LHFPL4: variants seen among roughly 807,000 people sequenced by gnomAD.
The protein encoded by LHFPL4 is LHFPL tetraspan subfamily member 4, also known as LHFPL tetraspan subfamily member 4 protein.
LHFPL4 carries 6 observed loss-of-function variants against 20.0 expected under a neutral mutation model. The observed-to-expected ratio is 0.30, with a 90% CI of 0.16 to 0.59. LHFPL4 has a LOEUF of 0.59. LHFPL4 is among the 20% of genes least tolerant of loss of function. The pLI, the probability that LHFPL4 is intolerant of heterozygous loss-of-function variation, is 0.88. For missense variants in LHFPL4, 215 were observed against 331.2 expected (o/e 0.65, Z 2.72); for synonymous variants, 129 against 143.8 (o/e 0.90, Z 0.74).
intron 2 of LHFPL4, among the ~76,000 whole-genome samples, chr3:9,518,381 TC>T (rs1271476717): frequency 6.6e-6 from 1 of 152,178 alleles, no homozygotes; most frequent in African/African-American, 2.4e-5. Context: ...CCTTGTAATG[TC>T]TTTCTCTAGT....
Position 9,552,771 on chromosome 3 carries a change from G to GCA in LHFPL4, c.-94_-93dup, listed in dbSNP as rs1259688648. 2.6e-6 allele frequency: 2 copies of GCA among 767,338 alleles called. No individual in the cohort carries two copies. The highest frequency in any genetic ancestry group is 3.3e-6 in the Non-Finnish European group (2 of 611,672). 47.5% of individuals were successfully genotyped at this position (767,338 alleles called of 1,614,324 possible). On this transcript the variant is annotated 5_prime_UTR_variant, in exon 2 of 4. Coordinates refer to ENST00000287585, the MANE Select transcript of LHFPL4 (RefSeq NM_198560.3). ...GGGCTGCCGGGCGGGAGCTGGGGAC[G>GCA]CACGCGAGAAGCGGCCCTGAGTCAA...
Position 9,552,319 on chromosome 3 carries a change from T to G in LHFPL4, c.361A>C (p.Thr121Pro). ...GCGCAGATCTTGTAGACCGTAGCCGTGTTGCAGAAGAAGAAAAGCGAAAAG... is the reference window on the plus strand; with the variant it reads ...GCGCAGATCTTGTAGACCGTAGCCGGGTTGCAGAAGAAGAAAAGCGAAAAG... ...TCFSLFFFCN[T>P]ATVYKICAWM... Residue 121 changes from threonine to proline, a missense_variant, in exon 2 of 4, where the codon ACG becomes CCG. Thr to Pro is a conservative substitution (Grantham distance 38). Transcript: ENST00000287585. 2.5e-6 allele frequency: 4 copies of G among 1,613,396 alleles called. No homozygotes were observed. The highest frequency in any genetic ancestry group is 3.4e-6 in the Non-Finnish European group (4 of 1,179,702).
chr3:9,514,337 T>C (rs1559516282), intron 2 of LHFPL4, among the ~76,000 whole-genome samples: 1 of 152,156 alleles, frequency 6.6e-6, no homozygotes. Context: ...CCATCAATTT[T>C]TAAATAGGCT....
chr3:9,553,177 G>C (rs529838594), intron 1 of LHFPL4, among the ~76,000 whole-genome samples: 1 of 151,670 alleles, frequency 6.6e-6, no homozygotes, highest in Non-Finnish European at 1.5e-5. Flanking sequence ...GGTAGAAGGA[G>C]GTCTGGTATT....
chr3:9,550,220 G>A (rs559924183), intron 2 of LHFPL4, among the ~76,000 whole-genome samples: 1 of 152,302 alleles, frequency 6.6e-6, no homozygotes, highest in East Asian at 1.9e-4. Context: ...ACTTTATTAA[G>A]CAAAGTGAAT....
intron 2 of LHFPL4, among the ~76,000 whole-genome samples, chr3:9,519,947 C>A (rs1461150001): frequency 6.6e-6 from 1 of 152,112 alleles, no homozygotes; most frequent in Non-Finnish European, 1.5e-5. Context: ...GTGTGAGTCA[C>A]CATCCTGGTT....
At chr3:9,517,706 A>T (rs1237708389) in intron 2 of LHFPL4, among the ~76,000 whole-genome samples, 2 of 144,398 alleles carry the variant, frequency 1.4e-5, no homozygotes, top group South Asian at 4.4e-4. Context: ...AAAAAAAAAA[A>T]TCCACTTGTT....
intron 2 of LHFPL4, among the ~76,000 whole-genome samples, chr3:9,536,912 C>A (rs2046447500): frequency 6.8e-6 from 1 of 147,032 alleles, no homozygotes; most frequent in African/African-American, 2.5e-5. Flanking sequence ...GAGCGAGACT[C>A]TGTCTCAAAA....
At position 9,502,025 on chromosome 3, in the gene LHFPL4, G is replaced by C; in HGVS notation, c.*186C>G. On this transcript the variant is annotated 3_prime_UTR_variant, in exon 4 of 4. Coordinates refer to ENST00000287585, the MANE Select transcript of LHFPL4 (RefSeq NM_198560.3). ...GAATTAGACCCTCCCAAGGTTTGGA[G>C]GGCCTCTCCTCTCCCCCAGGCCACA... The C allele has an allele frequency of 1.6e-6, 1 of 613,904 alleles. No individual in the cohort carries two copies. The highest frequency in any genetic ancestry group is 2.9e-5 in the Admixed American group (1 of 34,324). 38.0% of individuals were successfully genotyped at this position (613,904 alleles called of 1,614,324 possible). A position where few individuals can be genotyped will look rare whatever the true frequency, so the allele number is the denominator to read the frequency against.
chr3:9,514,971 G>A (rs926767587), intron 2 of LHFPL4, among the ~76,000 whole-genome samples: 1 of 152,184 alleles, frequency 6.6e-6, no homozygotes, highest in Non-Finnish European at 1.5e-5. Context: ...ATATCTATGT[G>A]GAGGTTTTGG....
At chr3:9,553,610 G>T (rs887578172) in intron 1 of LHFPL4, 75 bp downstream of exon 1, 1 of 151,494 alleles carries the variant, frequency 6.6e-6, no homozygotes, top group Admixed American at 6.6e-5. Flanking sequence ...CCGGGGTTGG[G>T]GGGGCGGCTG....
chr3:9,545,308 C>A (rs550250066), intron 2 of LHFPL4, among the ~76,000 whole-genome samples: 106 of 152,232 alleles, frequency 7.0e-4, no homozygotes, highest in African/African-American at 2.4e-3. Context: ...GAAATTCTCT[C>A]AATGTGTTTA....
rs1354940480 is a variant in LHFPL4 at position 9,553,812 on chromosome 3, C to G, written c.-296G>C. 6.6e-6 allele frequency: 1 copy of G among 150,602 alleles called. No individual in the cohort carries two copies. The highest frequency in any genetic ancestry group is 1.5e-5 in the Non-Finnish European group (1 of 67,486). 9.3% of individuals were successfully genotyped at this position (150,602 alleles called of 1,614,324 possible). ...GCGGCCTCCATCTTGCTCGGGTTCT[C>G]CCCGGGGCGCGCTCCCGCGCCGAGG... is the stretch of plus-strand genomic sequence containing the variant. On this transcript the variant is annotated 5_prime_UTR_variant, in exon 1 of 4. Transcript: ENST00000287585.
chr3:9,509,534 G>A (rs1402727294), intron 2 of LHFPL4, among the ~76,000 whole-genome samples: 1 of 152,166 alleles, frequency 6.6e-6, no homozygotes, highest in East Asian at 1.9e-4. Context: ...GGGCAGAGGC[G>A]TGTGGGAAGG....
At chr3:9,541,291 T>C (rs2046474665) in intron 2 of LHFPL4, among the ~76,000 whole-genome samples, 1 of 152,136 alleles carries the variant, frequency 6.6e-6, no homozygotes, top group South Asian at 2.1e-4. Context: ...GATAGACATA[T>C]AGACCAATGG....
At chr3:9,530,845 C>T (rs541940857) in intron 2 of LHFPL4, among the ~76,000 whole-genome samples, 1 of 152,300 alleles carries the variant, frequency 6.6e-6, no homozygotes, top group South Asian at 2.1e-4. Flanking sequence ...AATCCTCCTG[C>T]CTCAGCCTCC....
chr3:9,519,783 G>C (rs962768798), intron 2 of LHFPL4, among the ~76,000 whole-genome samples: 3 of 151,916 alleles, frequency 2.0e-5, no homozygotes, highest in Non-Finnish European at 2.9e-5. Flanking sequence ...CAATTCCTGA[G>C]CTCAAGGAAT....
chr3:9,518,715 A>C (rs1474460602), intron 2 of LHFPL4, among the ~76,000 whole-genome samples: 1 of 149,144 alleles, frequency 6.7e-6, no homozygotes, highest in Non-Finnish European at 1.5e-5. Context: ...TTTCTTTATT[A>C]TCCCTTTTAT....
chr3:9,542,147 G>A (rs1470137207), intron 2 of LHFPL4, among the ~76,000 whole-genome samples: 1 of 152,116 alleles, frequency 6.6e-6, no homozygotes, highest in Non-Finnish European at 1.5e-5. Flanking sequence ...TTAGCCAAGT[G>A]TGGTGGCATC....
Sources: gnomAD v4.1 joint callset for allele counts (sites outside exome capture counted in the v4.1 genomes callset) on GRCh38, gnomAD v4.1.1 for gene constraint, MANE v1.5 for transcripts, NCBI Gene and HGNC (gene_info 2026-07-23, HGNC 2026-07-21) for gene names.